KIFAP3: variants seen among roughly 807,000 people sequenced by gnomAD.
KIFAP3 encodes kinesin-associated protein 3.
In KIFAP3, 68 loss-of-function variants were observed where a neutral mutation model predicts 106.5. The observed-to-expected ratio is 0.64, with a 90% CI of 0.53 to 0.78. The LOEUF is 0.78. Among genes scored for constraint, KIFAP3 ranks in the 30% least tolerant of loss-of-function variants. The probability of loss-of-function intolerance (pLI) is 0.00; values close to 1 mark genes in which losing one functional copy is unlikely to be tolerated. For missense variants in KIFAP3, 780 were observed against 941.8 expected (o/e 0.83, Z 2.25); for synonymous variants, 320 against 311.5 (o/e 1.03, Z -0.29).
intron 15 of KIFAP3, 84 bp downstream of exon 15, chr1:169,981,888 T>C (rs182407479): frequency 7.0e-6 from 8 of 1,144,106 alleles, no homozygotes; most frequent in East Asian, 2.6e-5. Flanking sequence ...GAAAAACAGA[T>C]TACAGACTCT....
At chr1:169,961,005 A>G in intron 18 of KIFAP3, 41 bp downstream of exon 18, 1 of 1,528,790 alleles carries the variant, frequency 6.5e-7, no homozygotes, top group African/African-American at 1.4e-5. Context: ...ATCTCTATTC[A>G]TAGCATATAA....
intron 7 of KIFAP3, chr1:170,032,203 A>T (rs1296348380): frequency 4.8e-6 from 2 of 415,848 alleles, no homozygotes; most frequent in Non-Finnish European, 8.7e-6. Flanking sequence ...GGGTGAACAA[A>T]CTTTTTTATG....
At chr1:169,990,114 T>A in intron 11 of KIFAP3, 1 of 1,475,226 alleles carries the variant, frequency 6.8e-7, no homozygotes, top group Non-Finnish European at 9.2e-7. Context: ...TAGAGCGATT[T>A]ACTCTTCTCC....
At chr1:169,992,456 A>G (rs1032394086) in intron 10 of KIFAP3, among the ~76,000 whole-genome samples, 1 of 152,190 alleles carries the variant, frequency 6.6e-6, no homozygotes. Context: ...CTAATTTCCA[A>G]GAAAGAATGT....
At chr1:170,021,346 T>G (rs74231898) in intron 9 of KIFAP3, among the ~76,000 whole-genome samples, 1 of 151,870 alleles carries the variant, frequency 6.6e-6, no homozygotes, top group African/African-American at 2.4e-5. Flanking sequence ...TCAGGTAGTA[T>G]TTTCCTTTTG....
Position 170,039,299 on chromosome 1 carries a change from A to AC in KIFAP3, c.320-12_320-11insG. On this transcript the variant is annotated splice_polypyrimidine_tract_variant and intron_variant, in intron 3 of 19. Coordinates refer to ENST00000361580, the MANE Select transcript of KIFAP3 (RefSeq NM_014970.4). ...ATTTTTCTTTTTTCTCTGTAAAAAG[A>AC]TTTTTTTTTAATAAGGAGACTTAGG... The AC allele has an allele frequency of 6.5e-7, 1 of 1,529,434 alleles. No homozygotes were observed. Among genetic ancestry groups the AC allele is most frequent in the Non-Finnish European group, 9.0e-7 (1 of 1,115,598 alleles). The allele number at this position is 1,529,434 out of a possible 1,614,324, so 94.7% of individuals were successfully genotyped here. A position where few individuals can be genotyped will look rare whatever the true frequency, so the allele number is the denominator to read the frequency against.
At chr1:169,986,399 A>T (rs12745765) in intron 11 of KIFAP3, among the ~76,000 whole-genome samples, 2 of 151,994 alleles carry the variant, frequency 1.3e-5, no homozygotes, top group Non-Finnish European at 2.9e-5. Flanking sequence ...ATTACAAAAC[A>T]CTGTAGCAGG....
intron 19 of KIFAP3, among the ~76,000 whole-genome samples, chr1:169,943,290 T>TA (rs1324652896): frequency 1.3e-5 from 2 of 152,112 alleles, no homozygotes; most frequent in Non-Finnish European, 2.9e-5. Context: ...AGCTGTTTCT[T>TA]AAAAAACAAA....
intron 2 of KIFAP3, among the ~76,000 whole-genome samples, chr1:170,053,477 A>G (rs752451897): frequency 2.0e-5 from 3 of 152,070 alleles, no homozygotes; most frequent in Admixed American, 2.0e-4. Context: ...ACTAGGAAAA[A>G]TACTTTAAAT....
intron 1 of KIFAP3, chr1:170,068,194 C>T (rs1436678532): frequency 6.6e-6 from 1 of 152,044 alleles, no homozygotes; most frequent in Admixed American, 6.6e-5. Flanking sequence ...AACTCATTCT[C>T]ATTCTCACAA....
At chr1:170,066,451 A>G (rs774424103) in intron 1 of KIFAP3, among the ~76,000 whole-genome samples, 2 of 152,204 alleles carry the variant, frequency 1.3e-5, no homozygotes, top group Non-Finnish European at 2.9e-5. Context: ...GCACCTTCTA[A>G]GAAAATCTTA....
At position 170,055,465 on chromosome 1, in the gene KIFAP3, C is replaced by G; in HGVS notation, c.33-29G>C. On this transcript the variant is annotated intron_variant, in intron 1 of 19. Coordinates refer to ENST00000361580, the MANE Select transcript of KIFAP3 (RefSeq NM_014970.4). ...TAATACAAAATTGAAATGATATAACCAGATTAAAATTCTCAAAGTGGCCAT... is the reference window on the plus strand; with the variant it reads ...TAATACAAAATTGAAATGATATAACGAGATTAAAATTCTCAAAGTGGCCAT... The G allele has an allele frequency of 1.3e-6, 2 of 1,526,128 alleles. 1 individual carries two copies. Among genetic ancestry groups the G allele is most frequent in the East Asian group, 4.7e-5 (2 of 42,134 alleles). 94.5% of individuals were successfully genotyped at this position (1,526,128 alleles called of 1,614,324 possible).
chr1:170,073,875 A>G (rs1671808852), intron 1 of KIFAP3, among the ~76,000 whole-genome samples: 1 of 152,222 alleles, frequency 6.6e-6, no homozygotes, highest in Non-Finnish European at 1.5e-5. Flanking sequence ...TAAATGTCCT[A>G]CAAAAATTAT....
chr1:169,969,250 C>G (rs768815223), intron 17 of KIFAP3, among the ~76,000 whole-genome samples: 35 of 151,956 alleles, frequency 2.3e-4, no homozygotes, highest in South Asian at 2.1e-4. Flanking sequence ...CTAATGCTAA[C>G]CCTAACCCTA....
intron 9 of KIFAP3, among the ~76,000 whole-genome samples, chr1:170,017,035 G>C (rs1353852086): frequency 2.0e-5 from 3 of 152,186 alleles, no homozygotes; most frequent in African/African-American, 7.2e-5. Context: ...GAGGCGGGCA[G>C]ATCACGAGGT....
rs567674678 is a variant in KIFAP3 at position 170,064,940 on chromosome 1, T to C, written c.32+9496A>G. 1.8e-3 allele frequency among the ~76,000 whole-genome samples: 278 copies of C among 152,368 alleles called. 1 individual carries two copies. The highest frequency in any genetic ancestry group is 6.5e-3 in the African/African-American group (271 of 41,594). On this transcript the variant is annotated intron_variant, in intron 1 of 19. Coordinates refer to ENST00000361580, the MANE Select transcript of KIFAP3 (RefSeq NM_014970.4). ...TTCAGCCTGCAATTTTCCTTTCTAATGTCCTTTTTCTGACTTTCATATGGA... is the reference window on the plus strand; with the variant it reads ...TTCAGCCTGCAATTTTCCTTTCTAACGTCCTTTTTCTGACTTTCATATGGA...
chr1:170,024,142 T>C, intron 9 of KIFAP3: 1 of 208,924 alleles, frequency 4.8e-6, no homozygotes, highest in Middle Eastern at 1.7e-3. Context: ...AAGTAAAATT[T>C]TAAATTTAAA....
intron 8 of KIFAP3, among the ~76,000 whole-genome samples, chr1:170,031,635 T>C (rs962862696): frequency 7.9e-5 from 12 of 151,760 alleles, no homozygotes; most frequent in Non-Finnish European, 1.2e-4. Context: ...GGTCACACAC[T>C]GGATTAAAAA....
intron 9 of KIFAP3, among the ~76,000 whole-genome samples, chr1:170,022,204 C>T (rs770026870): frequency 6.6e-6 from 1 of 151,940 alleles, no homozygotes; most frequent in Non-Finnish European, 1.5e-5. Flanking sequence ...CTGCCTTGGC[C>T]TCCCAAAGTT....
Sources: allele counts gnomAD v4.1 joint callset (sites outside exome capture counted in the v4.1 genomes callset), GRCh38; gene constraint gnomAD v4.1.1; transcripts MANE v1.5; gene names NCBI Gene and HGNC (gene_info 2026-07-23, HGNC 2026-07-21).